CWF19L2: variants seen among roughly 807,000 people sequenced by gnomAD.
The protein encoded by CWF19L2 is CWF19-like protein 2.
CWF19L2 carries 98 observed loss-of-function variants against 111.7 expected under a neutral mutation model. That is an observed-to-expected ratio of 0.88 (90% CI 0.75 to 1.04). The LOEUF is 1.04. Among genes scored for constraint, CWF19L2 ranks in the 50% least tolerant of loss-of-function variants. The probability of loss-of-function intolerance (pLI) is 0.00; values close to 1 mark genes in which losing one functional copy is unlikely to be tolerated. For synonymous variants in CWF19L2, 351 were observed against 342.9 expected, an observed-to-expected ratio of 1.02 and a Z score of -0.26; for missense variants, 1,101 against 1,051.4, an observed-to-expected ratio of 1.05 and a Z score of -0.65.
Position 107,385,114 on chromosome 11 carries a change from G to A in CWF19L2, c.1872+4960C>T, listed in dbSNP as rs114415565. Among the ~76,000 whole-genome samples the A allele has an allele frequency of 8.8e-3, 1,333 of 151,808 alleles. 17 individuals carry two copies. The highest frequency in any genetic ancestry group is 0.031 in the African/African-American group (1,267 of 41,408). ...CTTTTTTTTATAGGCTTTTAGTAAC[G>A]CCTCAAATTTTTAGCAGAGCTGATT... On this transcript the variant is annotated intron_variant, in intron 12 of 17. Coordinates refer to ENST00000282251, the MANE Select transcript of CWF19L2 (RefSeq NM_152434.3).
chr11:107,383,178 A>G (rs971081568), intron 12 of CWF19L2, among the ~76,000 whole-genome samples: 20 of 152,206 alleles, frequency 1.3e-4, no homozygotes, highest in Non-Finnish European at 2.6e-4. Context: ...TGGGGGGGTC[A>G]TGTGAACCCC....
intron 10 of CWF19L2, 104 bp from the exon 11 acceptor site, chr11:107,392,999 A>T: frequency 1.4e-6 from 1 of 692,892 alleles, no homozygotes; most frequent in Non-Finnish European, 2.3e-6. Flanking sequence ...TTTCCACATA[A>T]CGTTGTGGAT....
intron 6 of CWF19L2, 131 bp from the exon 7 acceptor site, chr11:107,433,880 TTATATATATA>T (rs61304388): frequency 0.056 from 6,880 of 122,144 alleles, 272 homozygotes; most frequent in African/African-American, 0.097. Flanking sequence ...CTTTGGAATT[TTATATATATA>T]TATATATATA....
intron 12 of CWF19L2, among the ~76,000 whole-genome samples, chr11:107,375,565 G>A (rs199674765): frequency 3.7e-3 from 462 of 126,106 alleles, no homozygotes; most frequent in Non-Finnish European, 4.9e-3. Context: ...GATGTTCTTC[G>A]AAACCAACAA....
chr11:107,415,039 GA>G (rs936968035), intron 10 of CWF19L2, among the ~76,000 whole-genome samples: 1 of 151,730 alleles, frequency 6.6e-6, no homozygotes, highest in Admixed American at 6.6e-5. Flanking sequence ...ACCTCAGTCA[GA>G]AAAAAAAGTC....
intron 3 of CWF19L2, among the ~76,000 whole-genome samples, chr11:107,449,879 C>G: frequency 6.6e-6 from 1 of 151,864 alleles, no homozygotes; most frequent in East Asian, 1.9e-4. Context: ...ATAAATAATC[C>G]AAACCAGTAC....
chr11:107,442,819 G>GGAGGGA, intron 4 of CWF19L2, 120 bp downstream of exon 4: 1 of 344,808 alleles, frequency 2.9e-6, no homozygotes, highest in Non-Finnish European at 5.4e-6. Context: ...AGGGAGGGAG[G>GGAGGGA]GGGAGGGAGG....
At chr11:107,411,621 T>C (rs1252231094) in intron 10 of CWF19L2, among the ~76,000 whole-genome samples, 1 of 152,122 alleles carries the variant, frequency 6.6e-6, no homozygotes, top group Non-Finnish European at 1.5e-5. Context: ...TTTGCTAAAT[T>C]TACCAAGAGC....
chr11:107,454,171 A>C (rs1397894666), intron 3 of CWF19L2, among the ~76,000 whole-genome samples: 1 of 152,356 alleles, frequency 6.6e-6, no homozygotes, highest in East Asian at 1.9e-4. Context: ...CACCAGCTGT[A>C]GCCAGGTAAT....
chr11:107,423,408 T>G (rs896966815), intron 8 of CWF19L2, among the ~76,000 whole-genome samples: 2 of 152,020 alleles, frequency 1.3e-5, no homozygotes, highest in African/African-American at 4.8e-5. Context: ...CCACAGTTCA[T>G]GCCCTTTCTA....
intron 12 of CWF19L2, among the ~76,000 whole-genome samples, chr11:107,382,491 G>A (rs1436856240): frequency 6.6e-6 from 1 of 152,148 alleles, no homozygotes. Context: ...GATTAGTAAG[G>A]TCCCTTTCCA....
chr11:107,404,134 T>C, intron 10 of CWF19L2: 1 of 775,638 alleles, frequency 1.3e-6, no homozygotes, highest in South Asian at 1.3e-5. Flanking sequence ...ACTTTCTTCC[T>C]CTAAAGCAGC....
At chr11:107,330,609 CCTCTCTCTTT>C (rs917155468) in intron 16 of CWF19L2, among the ~76,000 whole-genome samples, 1 of 148,502 alleles carries the variant, frequency 6.7e-6, no homozygotes, top group Non-Finnish European at 1.5e-5. Context: ...TCCTTCCCTC[CCTCTCTCTTT>C]CTCTCTCTAC....
chr11:107,352,453 GAATT>G (rs1420309489), intron 13 of CWF19L2, among the ~76,000 whole-genome samples: 4 of 152,048 alleles, frequency 2.6e-5, no homozygotes, highest in Admixed American at 6.5e-5. Context: ...GTAAATGAAT[GAATT>G]ACCAAGCAGT....
chr11:107,390,229 T>C lies in CWF19L2; in HGVS notation c.1735-18A>G, dbSNP rs1591179263. 5.1e-6 allele frequency: 8 copies of C among 1,559,484 alleles called. No individual in the cohort carries two copies. The highest frequency in any genetic ancestry group is 6.1e-6 in the Non-Finnish European group (7 of 1,152,678). ...GTTGAAACCTATGACAAAATGAACA[T>C]TATTAATTTAATGAAAACATGAGTC... On this transcript the variant is annotated intron_variant, in intron 11 of 17. Coordinates refer to ENST00000282251, the MANE Select transcript of CWF19L2 (RefSeq NM_152434.3).
At chr11:107,449,614 G>A (rs1241218795) in intron 3 of CWF19L2, among the ~76,000 whole-genome samples, 1 of 151,724 alleles carries the variant, frequency 6.6e-6, no homozygotes, top group Non-Finnish European at 1.5e-5. Context: ...TTTGGTGAAA[G>A]TCTAATTATA....
At chr11:107,388,405 C>T (rs563336897) in intron 12 of CWF19L2, among the ~76,000 whole-genome samples, 3 of 150,728 alleles carry the variant, frequency 2.0e-5, no homozygotes, top group Non-Finnish European at 4.4e-5. Flanking sequence ...TTTTTTGAGA[C>T]GGAGTCTTGC....
chr11:107,330,072 T>C (rs1000772566), intron 16 of CWF19L2, 53 bp from the exon 17 acceptor site: 23 of 1,060,828 alleles, frequency 2.2e-5, no homozygotes, highest in Non-Finnish European at 3.1e-5. Flanking sequence ...CAGAAAGTTA[T>C]GTTTAATCCC....
chr11:107,447,261 C>G (rs185123782), intron 3 of CWF19L2, among the ~76,000 whole-genome samples: 2 of 152,108 alleles, frequency 1.3e-5, no homozygotes, highest in Non-Finnish European at 2.9e-5. Flanking sequence ...GGAATTTGAA[C>G]TTTGTGAAGG....
Sources: allele counts gnomAD v4.1 joint callset (sites outside exome capture counted in the v4.1 genomes callset), GRCh38; gene constraint gnomAD v4.1.1; transcripts MANE v1.5; gene names NCBI Gene and HGNC (gene_info 2026-07-23, HGNC 2026-07-21).